Variants in LRRC66 observed in about 807,000 individuals in gnomAD.
The protein encoded by LRRC66 is leucine rich repeat containing 66, also known as leucine-rich repeat-containing protein 66.
In LRRC66, 29 loss-of-function variants were observed where a neutral mutation model predicts 24.6. The ratio of observed to expected loss-of-function variants is 1.18; its 90% CI spans 0.88 to 1.61. The LOEUF (loss-of-function observed/expected upper bound fraction) is 1.61. LRRC66 is among the 40% of genes most tolerant of loss of function. The pLI is 0.00. For missense variants in LRRC66, 1,124 were observed against 1,058.0 expected (o/e 1.06, Z -0.87); for synonymous variants, 411 against 397.6 (o/e 1.03, Z -0.40).
intron 2 of LRRC66, among the ~76,000 whole-genome samples, chr4:52,015,951 T>C (rs1165742831): frequency 5.3e-5 from 8 of 152,142 alleles, no homozygotes; most frequent in South Asian, 2.1e-4. Flanking sequence ...GAAGAACATA[T>C]ATAACATGAA....
chr4:52,020,184 A>G (rs1373760772), intron 1 of LRRC66, among the ~76,000 whole-genome samples, 120 bp downstream of exon 1: 1 of 152,222 alleles, frequency 6.6e-6, no homozygotes, highest in Non-Finnish European at 1.5e-5. Context: ...TATTATAGAA[A>G]GGAAATGAAG....
intron 2 of LRRC66, among the ~76,000 whole-genome samples, chr4:52,007,977 A>ATTT (rs539256521): frequency 5.4e-5 from 8 of 148,072 alleles, no homozygotes; most frequent in African/African-American, 2.0e-4. Context: ...TTGACTGCCA[A>ATTT]TTTTTTTTTT....
At position 52,017,254 on chromosome 4, in the gene LRRC66, G is replaced by A. The variant is rs765376432; in HGVS notation, c.360C>T (p.Ala120=). The part of the protein sequence containing the change: ...ALEVLNLSNN[A]IHSLSLDLLS... The stretch of plus-strand genomic sequence containing the variant: ...GTAGATCCAATGAGAGGGAGTGGAT[G>A]GCATTGTTGCTGAGGTTTAACACTT... The change falls in exon 2 of 5, where the codon GCC becomes GCT. Residue 120 remains alanine, a synonymous_variant. Coordinates refer to ENST00000682860, the MANE Select transcript of LRRC66 (RefSeq NM_001024611.3). 4.3e-6 allele frequency: 7 copies of A among 1,613,992 alleles called. No homozygotes were observed. In the South Asian group the frequency reaches 7.7e-5, roughly 18 times the overall value.
intron 2 of LRRC66, among the ~76,000 whole-genome samples, chr4:52,004,102 G>C (rs185075495): frequency 2.0e-5 from 3 of 151,976 alleles, no homozygotes; most frequent in Admixed American, 1.3e-4. Context: ...TCCCGGGTTC[G>C]AGTGATTCTC....
At chr4:52,014,029 G>A (rs926288953) in intron 2 of LRRC66, among the ~76,000 whole-genome samples, 30 of 152,300 alleles carry the variant, frequency 2.0e-4, no homozygotes, top group African/African-American at 6.7e-4. Flanking sequence ...TGAGGCCTGC[G>A]GATCACCTGA....
chr4:52,017,984 A>G (rs998046584), intron 1 of LRRC66: 2 of 985,474 alleles, frequency 2.0e-6, no homozygotes, highest in Non-Finnish European at 2.4e-6. Context: ...GCAGGCCATT[A>G]ATACAGAGCA....
chr4:51,994,605 G>C lies in LRRC66; in HGVS notation c.2417C>G (p.Pro806Arg), dbSNP rs751387667. ...TAAGGGACTATTCCCTGGTGACCTGGGCCAGGGTGACAGGCCCTCAGATCT... is the reference window on the plus strand; with the variant it reads ...TAAGGGACTATTCCCTGGTGACCTGCGCCAGGGTGACAGGCCCTCAGATCT... ...TDRSEGLSPW[P>R]RSPGNSPLGD... The change falls in exon 5 of 5, where the codon CCC becomes CGC. Residue 806 changes from proline (P) to arginine (R), a missense_variant. Pro to Arg is a moderately radical substitution (Grantham distance 103). Coordinates refer to ENST00000682860, the MANE Select transcript of LRRC66 (RefSeq NM_001024611.3). The C allele has an allele frequency of 1.2e-6, 2 of 1,614,166 alleles. No homozygotes were observed. Among genetic ancestry groups the C allele is most frequent in the Non-Finnish European group, 8.5e-7 (1 of 1,180,036 alleles).
Position 51,994,150 on chromosome 4 carries a change from A to G in LRRC66, c.*229T>C. ...TTCCCCTCTTTCTCTTTCACACTGA[A>G]GAGCAGGTTCATCCCCATAGGATGT... On this transcript the variant is annotated 3_prime_UTR_variant, in exon 5 of 5. Coordinates refer to ENST00000682860, the MANE Select transcript of LRRC66 (RefSeq NM_001024611.3). The G allele has an allele frequency of 4.2e-6, 2 of 481,456 alleles. No individual in the cohort carries two copies. The highest frequency in any genetic ancestry group is 3.9e-5 in the Admixed American group (1 of 25,458). The allele number at this position is 481,456 out of a possible 1,614,324, so 29.8% of individuals were successfully genotyped here.
Position 51,994,133 on chromosome 4 carries a change from T to C in LRRC66, c.*246A>G, listed in dbSNP as rs949716953. The C allele has an allele frequency of 4.3e-5, 19 of 444,688 alleles. No homozygotes were observed. Among genetic ancestry groups the C allele is most frequent in the African/African-American group, 3.6e-4 (18 of 50,262 alleles). The allele number at this position is 444,688 out of a possible 1,614,324, so 27.5% of individuals were successfully genotyped here. ...GGAATGATCTCAAAATATTCCCCTC[T>C]TTCTCTTTCACACTGAAGAGCAGGT... On this transcript the variant is annotated 3_prime_UTR_variant, in exon 5 of 5. Coordinates refer to ENST00000682860, the MANE Select transcript of LRRC66 (RefSeq NM_001024611.3).
intron 3 of LRRC66, among the ~76,000 whole-genome samples, chr4:52,002,824 C>T (rs1379148441): frequency 2.6e-5 from 4 of 152,316 alleles, no homozygotes; most frequent in African/African-American, 4.8e-5. Flanking sequence ...GGTGGTTTAG[C>T]GGGGCCTCCC....
intron 3 of LRRC66, 117 bp downstream of exon 3, chr4:52,003,106 T>C (rs1329747103): frequency 1.3e-6 from 1 of 780,586 alleles, no homozygotes; most frequent in African/African-American, 1.8e-5. Flanking sequence ...AGACTAACAG[T>C]TTTTGATTAA....
intron 3 of LRRC66, among the ~76,000 whole-genome samples, chr4:51,998,281 C>T (rs1382048900): frequency 6.6e-6 from 1 of 152,184 alleles, no homozygotes; most frequent in African/African-American, 2.4e-5. Context: ...AACCTAGATA[C>T]TCATGTTATC....
chr4:52,017,119 C>G lies in LRRC66; in HGVS notation c.495G>C (p.Lys165Asn). Residue 165 changes from lysine to asparagine, a missense_variant and splice_region_variant, in exon 2 of 5, where the codon AAG becomes AAC. Transcript: ENST00000682860. ...LQRNKLSDTP[K>N]GLWKLKSLQS... ...CTGCCTAGTTAAAATTGTACTCACC[C>G]TTGGGAGTGTCACTGAGTTTATTTC... 6.2e-7 allele frequency: 1 copy of G among 1,612,078 alleles called. No individual in the cohort carries two copies. The highest frequency in any genetic ancestry group is 8.5e-7 in the Non-Finnish European group (1 of 1,179,060).
chr4:52,001,920 A>G (rs1182431613), intron 3 of LRRC66, among the ~76,000 whole-genome samples: 1 of 152,242 alleles, frequency 6.6e-6, no homozygotes, highest in Non-Finnish European at 1.5e-5. Context: ...ATAGATGACT[A>G]ATACACCTAT....
intron 1 of LRRC66, chr4:52,018,285 T>C: frequency 1.0e-6 from 1 of 984,970 alleles, no homozygotes; most frequent in Non-Finnish European, 1.2e-6. Context: ...ACATTGAGTA[T>C]CTTTTGTACC....
intron 2 of LRRC66, among the ~76,000 whole-genome samples, chr4:52,006,976 T>C (rs982456903): frequency 1.4e-4 from 22 of 152,076 alleles, no homozygotes; most frequent in Non-Finnish European, 3.1e-4. Flanking sequence ...TCATTACCCT[T>C]TAACCATGCC....
At chr4:52,012,171 G>C (rs550936089) in intron 2 of LRRC66, among the ~76,000 whole-genome samples, 155 of 152,030 alleles carry the variant, frequency 1.0e-3, no homozygotes, top group Non-Finnish European at 1.1e-3. Context: ...TGGGTGACAA[G>C]AGTGAGGCTC....
chr4:52,000,126 C>T (rs1398501376), intron 3 of LRRC66, among the ~76,000 whole-genome samples: 2 of 152,038 alleles, frequency 1.3e-5, no homozygotes, highest in Admixed American at 1.3e-4. Flanking sequence ...AGAGATATTG[C>T]CAAACATGCA....
chr4:52,002,755 G>T (rs1478151623), intron 3 of LRRC66, among the ~76,000 whole-genome samples: 1 of 152,164 alleles, frequency 6.6e-6, no homozygotes, highest in African/African-American at 2.4e-5. Flanking sequence ...AAGCAACAGG[G>T]TCACTGGGTT....
Sources: gnomAD v4.1 joint callset for allele counts (sites outside exome capture counted in the v4.1 genomes callset) on GRCh38, gnomAD v4.1.1 for gene constraint, MANE v1.5 for transcripts, NCBI Gene and HGNC (gene_info 2026-07-23, HGNC 2026-07-21) for gene names.